The following CLIP4 variants were observed in gnomAD, a reference collection of about 807,000 sequenced individuals.
The protein encoded by CLIP4 is CAP-Gly domain-containing linker protein 4.
In CLIP4, 47 loss-of-function variants were observed where a neutral mutation model predicts 73.1. That is an observed-to-expected ratio of 0.64 (90% CI 0.51 to 0.82). The LOEUF (loss-of-function observed/expected upper bound fraction) is 0.82, where lower values mean the gene tolerates loss of function less well. Ranked by LOEUF, CLIP4 falls within the 40% of genes least tolerant of loss-of-function variation. CLIP4 has a pLI of 0.00. For missense variants in CLIP4, 874 were observed against 852.9 expected, an observed-to-expected ratio of 1.02 and a Z score of -0.31; for synonymous variants, 306 against 295.4, an observed-to-expected ratio of 1.04 and a Z score of -0.37.
chr2:29,150,802 T>G (rs549220843), intron 8 of CLIP4, among the ~76,000 whole-genome samples: 28 of 152,118 alleles, frequency 1.8e-4, no homozygotes, highest in South Asian at 1.2e-3. Context: ...GTATTTTTAG[T>G]AGAGATGGGG....
chr2:29,136,914 A>C (rs1665406240), intron 6 of CLIP4, among the ~76,000 whole-genome samples: 1 of 152,156 alleles, frequency 6.6e-6, no homozygotes, highest in Middle Eastern at 3.4e-3. Flanking sequence ...TTTAGGCCAG[A>C]AGCAGATTAA....
At position 29,163,938 on chromosome 2, in the gene CLIP4, C is replaced by T. The variant is rs762550670; in HGVS notation, c.1642C>T (p.Pro548Ser). Residue 548 changes from proline (P) to serine (S), a missense_variant, in exon 13 of 16, where the codon CCA becomes TCA. Coordinates refer to ENST00000320081, the MANE Select transcript of CLIP4 (RefSeq NM_024692.6). ...TCCAAGATATGGAATATTTGCTCCC[C>T]CATCCAGGGTGCAAAGGTGAGAGAA... Reference protein sequence around the residue: ...CSPRYGIFAPPSRVQRVTDSL... With the variant: ...CSPRYGIFAPSSRVQRVTDSL... The T allele has an allele frequency of 1.2e-6, 2 of 1,612,814 alleles. No homozygotes were observed. The highest frequency in any genetic ancestry group is 2.7e-5 in the African/African-American group (2 of 74,868).
chr2:29,142,772 C>G (rs1356454144), intron 6 of CLIP4, among the ~76,000 whole-genome samples: 1 of 152,154 alleles, frequency 6.6e-6, no homozygotes, highest in African/African-American at 2.4e-5. Context: ...TCTCAGTTAA[C>G]AAAAGTATCT....
chr2:29,168,434 A>G (rs1161873313), intron 14 of CLIP4, among the ~76,000 whole-genome samples: 2 of 118,864 alleles, frequency 1.7e-5, no homozygotes. Context: ...ATTTTTATTT[A>G]TTGTTTTTGG....
intron 9 of CLIP4, among the ~76,000 whole-genome samples, chr2:29,153,989 G>A (rs1666753167): frequency 6.6e-6 from 1 of 152,136 alleles, no homozygotes; most frequent in Non-Finnish European, 1.5e-5. Context: ...TGTTTTAGTT[G>A]AAGCTTAAAT....
At chr2:29,140,663 C>A (rs1032431546) in intron 6 of CLIP4, among the ~76,000 whole-genome samples, 7 of 152,152 alleles carry the variant, frequency 4.6e-5, no homozygotes, top group African/African-American at 1.7e-4. Context: ...ACACTGACTT[C>A]CACAATGGTT....
intron 14 of CLIP4, among the ~76,000 whole-genome samples, chr2:29,172,293 A>G (rs1199262679): frequency 2.0e-5 from 3 of 152,082 alleles, no homozygotes; most frequent in Non-Finnish European, 4.4e-5. Context: ...CAGAATTTGT[A>G]CTTGGGATCA....
chr2:29,163,309 A>G (rs964341000), intron 12 of CLIP4, among the ~76,000 whole-genome samples: 1 of 152,246 alleles, frequency 6.6e-6, no homozygotes, highest in Middle Eastern at 3.4e-3. Flanking sequence ...AAAAAAGAAA[A>G]GAAAAAGCAC....
chr2:29,107,356 TA>T (rs1668238960), intron 1 of CLIP4, among the ~76,000 whole-genome samples: 1 of 121,144 alleles, frequency 8.3e-6, no homozygotes, highest in African/African-American at 3.4e-5. Context: ...TGGAACATGA[TA>T]GTTTTTTTTT....
At chr2:29,153,787 C>T (rs1666739924) in intron 9 of CLIP4, among the ~76,000 whole-genome samples, 1 of 152,128 alleles carries the variant, frequency 6.6e-6, no homozygotes, top group African/African-American at 2.4e-5. Context: ...TTTGAATATC[C>T]CTGTGTCAAT....
intron 15 of CLIP4, among the ~76,000 whole-genome samples, chr2:29,178,624 G>A (rs1336986263): frequency 2.6e-5 from 4 of 152,222 alleles, no homozygotes; most frequent in South Asian, 2.1e-4. Context: ...TAAAGACTGT[G>A]CTGTGATACG....
intron 8 of CLIP4, 152 bp downstream of exon 8, chr2:29,145,519 T>C (rs1666095113): frequency 1.7e-6 from 1 of 604,584 alleles, no homozygotes; most frequent in South Asian, 2.9e-5. Flanking sequence ...AGATAGGAGA[T>C]AGTTATATTT....
chr2:29,176,100 C>A (rs1040839086), intron 15 of CLIP4, among the ~76,000 whole-genome samples: 1 of 152,182 alleles, frequency 6.6e-6, no homozygotes, highest in African/African-American at 2.4e-5. Context: ...TCTGTTTTTA[C>A]TCATAAAGTG....
At chr2:29,180,338 A>C (rs549109953) in intron 15 of CLIP4, among the ~76,000 whole-genome samples, 1 of 152,192 alleles carries the variant, frequency 6.6e-6, no homozygotes, top group Non-Finnish European at 1.5e-5. Flanking sequence ...GCTCTGGGGC[A>C]ATATAGCCTT....
intron 3 of CLIP4, 37 bp from the exon 4 acceptor site, chr2:29,132,115 A>G (rs765078001): frequency 2.0e-6 from 3 of 1,487,390 alleles, no homozygotes; most frequent in South Asian, 1.1e-5. Flanking sequence ...GTACCTCAGT[A>G]GTTAGGTTGT....
Position 29,152,689 on chromosome 2 carries a change from T to A in CLIP4, c.1026T>A (p.Ile342=). Residue 342 remains isoleucine (I), a synonymous_variant, in exon 9 of 16, where the codon ATT becomes ATA. Transcript: ENST00000320081. ...QYFKCAPKYG[I]FAPLSKISKA... Reference sequence around the variant, plus strand: ...AAATTCTGCATTCTCCCTTAGGTATTTTTGCACCTCTTTCAAAGATAAGTA... The same window carrying A: ...AAATTCTGCATTCTCCCTTAGGTATATTTGCACCTCTTTCAAAGATAAGTA... The A allele has an allele frequency of 6.2e-7, 1 of 1,612,838 alleles. No homozygotes were observed. Among genetic ancestry groups the A allele is most frequent in the Non-Finnish European group, 8.5e-7 (1 of 1,179,520 alleles).
chr2:29,111,576 G>T (rs943651875), upstream of CLIP4, among the ~76,000 whole-genome samples: 4 of 152,130 alleles, frequency 2.6e-5, no homozygotes, highest in Admixed American at 6.6e-5. Flanking sequence ...TTCCTTCTGT[G>T]AATTGTCTAT....
intron 1 of CLIP4, among the ~76,000 whole-genome samples, chr2:29,116,331 G>T (rs1663832577): frequency 6.6e-6 from 1 of 152,222 alleles, no homozygotes; most frequent in Non-Finnish European, 1.5e-5. Flanking sequence ...TGCTGAGACA[G>T]TGTTTTGATA....
intron 8 of CLIP4, 113 bp from the exon 9 acceptor site, chr2:29,152,572 G>A: frequency 9.6e-7 from 1 of 1,044,258 alleles, no homozygotes; most frequent in South Asian, 1.7e-5. Flanking sequence ...CATAGGACAT[G>A]CAGTGGGCAC....
Sources: allele counts gnomAD v4.1 joint callset (sites outside exome capture counted in the v4.1 genomes callset), GRCh38; gene constraint gnomAD v4.1.1; transcripts MANE v1.5; gene names NCBI Gene and HGNC (gene_info 2026-07-23, HGNC 2026-07-21).